The following HDAC9 variants were observed in gnomAD, a reference collection of about 807,000 sequenced individuals.
The protein encoded by HDAC9 is MEF-2 interacting transcription repressor (MITR) protein.
HDAC9 carries 41 observed loss-of-function variants against 139.4 expected under a neutral mutation model. The ratio of observed to expected loss-of-function variants is 0.29; its 90% CI spans 0.23 to 0.38. The LOEUF is 0.38. Ranked by LOEUF, HDAC9 falls within the 10% of genes least tolerant of loss-of-function variation. The pLI is 1.00. For missense variants in HDAC9, 1,147 were observed against 1,297.0 expected, an observed-to-expected ratio of 0.88 and a Z score of 1.78; for synonymous variants, 517 against 476.2, an observed-to-expected ratio of 1.09 and a Z score of -1.12.
chr7:18,351,570 G>C (rs1019582357), intron 1 of HDAC9, among the ~76,000 whole-genome samples: 10 of 152,164 alleles, frequency 6.6e-5, no homozygotes, highest in Admixed American at 2.6e-4. Context: ...AAAGCAAAGT[G>C]AGGAAGTTAG....
At position 19,001,482 on chromosome 7, in the gene HDAC9, A is replaced by G. The variant is rs1195680203; in HGVS notation, c.*5420A>G. On this transcript the variant is annotated 3_prime_UTR_variant, in exon 26 of 26. Transcript: ENST00000686413. ...GAGTTGGCATTTTGTGACAATTCAT[A>G]GAGATCTTGCAGCAATATTTGGCTA... 1 of 151,952 alleles carries G rather than the reference A, an allele frequency of 6.6e-6. No individual in the cohort carries two copies. The highest frequency in any genetic ancestry group is 1.5e-5 in the Non-Finnish European group (1 of 67,918). 9.4% of individuals were successfully genotyped at this position (151,952 alleles called of 1,614,324 possible).
chr7:18,752,266 A>G (rs930437059), intron 14 of HDAC9, among the ~76,000 whole-genome samples: 1 of 152,092 alleles, frequency 6.6e-6, no homozygotes, highest in African/African-American at 2.4e-5. Flanking sequence ...AGGCTAGTTG[A>G]AAGCGCAAGA....
chr7:18,140,193 G>C (rs80060633), intron 1 of HDAC9, among the ~76,000 whole-genome samples: 3,999 of 152,026 alleles, frequency 0.026, 187 homozygotes, highest in African/African-American at 0.09. Context: ...AAACATCCCG[G>C]GACCCTTCTA....
At chr7:18,644,854 T>A in intron 9 of HDAC9, 61 bp downstream of exon 9, 1 of 1,528,410 alleles carries the variant, frequency 6.5e-7, no homozygotes, top group Non-Finnish European at 8.8e-7. Context: ...ACAGGGGAAC[T>A]CTCTTTCGTG....
intron 13 of HDAC9, among the ~76,000 whole-genome samples, chr7:18,740,750 A>G (rs549944645): frequency 6.6e-6 from 1 of 152,382 alleles, no homozygotes; most frequent in African/African-American, 2.4e-5. Flanking sequence ...GAGATAGGCA[A>G]AAGCTGGGCC....
intron 8 of HDAC9, among the ~76,000 whole-genome samples, chr7:18,639,488 C>T (rs1784902583): frequency 6.6e-6 from 1 of 151,938 alleles, no homozygotes; most frequent in African/African-American, 2.4e-5. Flanking sequence ...TTTTTGGTCT[C>T]ACAATATGTC....
intron 1 of HDAC9, among the ~76,000 whole-genome samples, chr7:18,399,572 C>T (rs1401570848): frequency 6.6e-6 from 1 of 152,120 alleles, no homozygotes; most frequent in Non-Finnish European, 1.5e-5. Flanking sequence ...AGGCAAGGCA[C>T]ATCATAGCAA....
At chr7:18,290,254 A>G (rs1797720348), upstream of HDAC9, 2 of 322,444 alleles carry the variant, frequency 6.2e-6, no homozygotes, top group South Asian at 5.4e-5. Context: ...CAGCTATAGT[A>G]ACTGTCTTTG....
At chr7:18,283,621 T>C (rs1299141106) in intron 2 of HDAC9, among the ~76,000 whole-genome samples, 1 of 152,246 alleles carries the variant, frequency 6.6e-6, no homozygotes, top group South Asian at 2.1e-4. Context: ...AATTCTTCAT[T>C]TGAAATTCTA....
chr7:18,372,190 A>G (rs1181400473), intron 1 of HDAC9, among the ~76,000 whole-genome samples: 4 of 152,244 alleles, frequency 2.6e-5, no homozygotes, highest in African/African-American at 9.6e-5. Context: ...TCCAATGTGC[A>G]AGCCAAGTTC....
Position 18,662,291 on chromosome 7 carries a change from G to A in HDAC9, c.1468-3922G>A, listed in dbSNP as rs201466275. Among the ~76,000 whole-genome samples the A allele has an allele frequency of 3.4e-4, 52 of 152,166 alleles. No homozygotes were observed. The East Asian group carries it at 9.9e-3, about 29-fold the overall frequency. ...TTGCAGTCATTATTGACCTTAACAA[G>A]AGATTTTGGTTAAATGGTGTAGAGG... is the stretch of plus-strand genomic sequence containing the variant. On this transcript the variant is annotated intron_variant, in intron 11 of 25. Coordinates refer to ENST00000686413, the MANE Select transcript of HDAC9 (RefSeq NM_178425.4).
intron 2 of HDAC9, among the ~76,000 whole-genome samples, chr7:18,528,269 A>G (rs1240103865): frequency 2.0e-5 from 3 of 151,184 alleles, no homozygotes; most frequent in African/African-American, 7.3e-5. Context: ...TTTTTTTTAA[A>G]TTAGGTCGAA....
At chr7:18,664,927 C>T (rs1443236831) in intron 11 of HDAC9, among the ~76,000 whole-genome samples, 1 of 152,098 alleles carries the variant, frequency 6.6e-6, no homozygotes, top group Non-Finnish European at 1.5e-5. Flanking sequence ...ATAGTTGGCA[C>T]TCAGTAAATA....
At chr7:18,318,038 T>G (rs927081099) in intron 1 of HDAC9, among the ~76,000 whole-genome samples, 14 of 152,152 alleles carry the variant, frequency 9.2e-5, no homozygotes, top group African/African-American at 3.4e-4. Context: ...AATCATATAT[T>G]TTTTGATGAC....
At chr7:18,226,114 C>G (rs1793035313) in intron 2 of HDAC9, among the ~76,000 whole-genome samples, 2 of 152,092 alleles carry the variant, frequency 1.3e-5, no homozygotes, top group Non-Finnish European at 2.9e-5. Context: ...TAATGTATGT[C>G]ACTGAATAAG....
intron 1 of HDAC9, among the ~76,000 whole-genome samples, chr7:18,465,345 C>A (rs1794180524): frequency 6.6e-6 from 1 of 151,904 alleles, no homozygotes; most frequent in African/African-American, 2.4e-5. Context: ...TGATTTCCCT[C>A]CTGTTTATTT....
At position 18,733,125 on chromosome 7, in the gene HDAC9, GTA is replaced by G. The variant is rs4043672; in HGVS notation, c.1909+5377_1909+5378del. Reference sequence around the variant, plus strand: ...TATATACATATATATGTGTATACATGTATATATATACACATGTATACACATAT... The same window carrying G: ...TATATACATATATATGTGTATACATGTATATATACACATGTATACACATAT... On this transcript the variant is annotated intron_variant, in intron 13 of 25. Transcript: ENST00000686413. Among the ~76,000 whole-genome samples the G allele has an allele frequency of 6.1e-3, 863 of 141,402 alleles. 9 individuals are homozygous for G. The highest frequency in any genetic ancestry group is 0.021 in the African/African-American group (780 of 37,130). 92.8% of individuals were successfully genotyped at this position (141,402 alleles called of 152,430 possible).
intron 22 of HDAC9, among the ~76,000 whole-genome samples, chr7:18,876,141 G>A (rs80013193): frequency 2.6e-5 from 4 of 152,110 alleles, no homozygotes; most frequent in Admixed American, 6.6e-5. Context: ...GAAAATAGTC[G>A]CATGGTTTCT....
At chr7:18,705,600 T>C (rs951416120) in intron 12 of HDAC9, among the ~76,000 whole-genome samples, 6 of 152,014 alleles carry the variant, frequency 3.9e-5, no homozygotes, top group African/African-American at 1.4e-4. Flanking sequence ...CCTGTAATCC[T>C]AGCACTTTGG....
Sources: gnomAD v4.1 joint callset for allele counts (sites outside exome capture counted in the v4.1 genomes callset) on GRCh38, gnomAD v4.1.1 for gene constraint, MANE v1.5 for transcripts, NCBI Gene and HGNC (gene_info 2026-07-23, HGNC 2026-07-21) for gene names.